The following UNC13B variants were observed in gnomAD, a reference collection of about 807,000 sequenced individuals.
The protein encoded by UNC13B is unc-13 homolog B.
In UNC13B, 144 loss-of-function variants were observed where a neutral mutation model predicts 211.0. That is an observed-to-expected ratio of 0.68 (90% CI 0.60 to 0.78). The LOEUF (loss-of-function observed/expected upper bound fraction) is 0.78. UNC13B is among the 30% of genes least tolerant of loss of function. The pLI, the probability that UNC13B is intolerant of heterozygous loss-of-function variation, is 0.00. For missense variants in UNC13B, 1,777 were observed against 2,002.0 expected (o/e 0.89, Z 2.14); for synonymous variants, 709 against 725.8 (o/e 0.98, Z 0.37).
Position 35,338,377 on chromosome 9 carries a change from G to A in UNC13B, c.9414+24388G>A, listed in dbSNP as rs114722502. 6.3e-3 allele frequency among the ~76,000 whole-genome samples: 964 copies of A among 152,172 alleles called. 13 individuals carry two copies. Among genetic ancestry groups the A allele is most frequent in the African/African-American group, 0.022 (922 of 41,488 alleles). On this transcript the variant is annotated intron_variant, in intron 11 of 39. Transcript: ENST00000635942. ...CTTGCAGCTTGTCGGGTCTGTTTAGGTAACAAAGCAGCTATGTCTTAGTGC... is the reference window on the plus strand; with the variant it reads ...CTTGCAGCTTGTCGGGTCTGTTTAGATAACAAAGCAGCTATGTCTTAGTGC...
chr9:35,303,480 A>G lies in UNC13B; in HGVS notation c.4076A>G (p.Asp1359Gly). The G allele has an allele frequency of 2.5e-6, 1 of 398,790 alleles. No individual in the cohort carries two copies. The highest frequency in any genetic ancestry group is 4.4e-6 in the Non-Finnish European group (1 of 225,862). The allele number at this position is 398,790 out of a possible 1,614,324, so 24.7% of individuals were successfully genotyped here. The change falls in exon 9 of 40, where the codon GAC becomes GGC. Residue 1359 changes from aspartate to glycine, a missense_variant. Physicochemically the swap from Asp to Gly is moderately conservative, Grantham distance 94. Coordinates refer to ENST00000635942, the MANE Select transcript of UNC13B (RefSeq NM_001371189.2). ...EMNSPFCFEW[D>G]SDIKDLSKNS... is the part of the protein sequence containing the mutation. ...AACAGTCCTTTCTGTTTTGAATGGGACTCTGACATAAAAGATTTGTCTAAA... is the reference window on the plus strand; with the variant it reads ...AACAGTCCTTTCTGTTTTGAATGGGGCTCTGACATAAAAGATTTGTCTAAA...
chr9:35,272,541 A>G (rs1287889556), intron 7 of UNC13B, among the ~76,000 whole-genome samples: 2 of 152,082 alleles, frequency 1.3e-5, no homozygotes, highest in African/African-American at 4.8e-5. Flanking sequence ...TACAGGCGTG[A>G]GCCACCACGC....
Position 35,307,330 on chromosome 9 carries a change from A to C in UNC13B, c.7926A>C (p.Ala2642=), listed in dbSNP as rs886181416. ...MGILQATDTE[A]SLEAENFALP... Reference sequence around the variant, plus strand: ...TATTGCAAGCTACAGACACGGAGGCATCGTTAGAAGCAGAGAACTTTGCGC... The same window carrying C: ...TATTGCAAGCTACAGACACGGAGGCCTCGTTAGAAGCAGAGAACTTTGCGC... The change falls in exon 9 of 40, where the codon GCA becomes GCC. Residue 2642 remains alanine (A), a synonymous_variant. Transcript: ENST00000635942. 2.5e-6 allele frequency: 1 copy of C among 399,040 alleles called. No individual in the cohort carries two copies. Among genetic ancestry groups the C allele is most frequent in the Non-Finnish European group, 4.4e-6 (1 of 226,084 alleles). 24.7% of individuals were successfully genotyped at this position (399,040 alleles called of 1,614,324 possible).
At chr9:35,336,333 C>T (rs1831654974) in intron 11 of UNC13B, among the ~76,000 whole-genome samples, 1 of 152,076 alleles carries the variant, frequency 6.6e-6, no homozygotes, top group South Asian at 2.1e-4. Context: ...TAAAATCTAA[C>T]ACTCCTCTCC....
chr9:35,234,858 G>T (rs993826376), intron 3 of UNC13B, among the ~76,000 whole-genome samples: 5 of 152,126 alleles, frequency 3.3e-5, no homozygotes, highest in African/African-American at 1.2e-4. Flanking sequence ...GTGAATCTGA[G>T]AACATTTATT....
At chr9:35,321,132 T>A (rs1010766152) in intron 11 of UNC13B, among the ~76,000 whole-genome samples, 1 of 152,244 alleles carries the variant, frequency 6.6e-6, no homozygotes, top group Non-Finnish European at 1.5e-5. Context: ...TTATTCTGGG[T>A]TATTAAATAT....
intron 1 of UNC13B, 43 bp downstream of exon 1, chr9:35,162,348 G>C (rs71521259): frequency 7.2e-6 from 11 of 1,518,720 alleles, no homozygotes; most frequent in Non-Finnish European, 7.9e-6. Flanking sequence ...TGTCGGCGTA[G>C]AGGTCCCCGC....
intron 15 of UNC13B, 25 bp from the exon 16 acceptor site, chr9:35,377,443 C>G: frequency 6.2e-7 from 1 of 1,612,696 alleles, no homozygotes. Context: ...GGTAGGTGAC[C>G]TGTTGTGTTC....
At chr9:35,227,945 C>G (rs1234259537) in intron 1 of UNC13B, 70 bp from the exon 2 acceptor site, 1 of 1,367,092 alleles carries the variant, frequency 7.3e-7, no homozygotes, top group Admixed American at 1.8e-5. Context: ...TATGTAGTGC[C>G]TAATAAATGT....
At chr9:35,374,918 A>G (rs1564176158) in intron 13 of UNC13B, among the ~76,000 whole-genome samples, 1 of 152,218 alleles carries the variant, frequency 6.6e-6, no homozygotes, top group African/African-American at 2.4e-5. Context: ...CTGTTCTAAC[A>G]TAGTTAGAGC....
intron 1 of UNC13B, among the ~76,000 whole-genome samples, chr9:35,165,604 A>AC (rs1322913117): frequency 6.6e-6 from 1 of 151,616 alleles, no homozygotes; most frequent in East Asian, 1.9e-4. Flanking sequence ...TTTTTAGTAG[A>AC]GACGGGGTTT....
At chr9:35,346,189 A>G (rs1198725614) in intron 11 of UNC13B, among the ~76,000 whole-genome samples, 1 of 152,148 alleles carries the variant, frequency 6.6e-6, no homozygotes, top group Non-Finnish European at 1.5e-5. Flanking sequence ...CATAATTGAT[A>G]TATGGCCCAG....
At chr9:35,334,531 G>A (rs1348176077) in intron 11 of UNC13B, among the ~76,000 whole-genome samples, 1 of 152,188 alleles carries the variant, frequency 6.6e-6, no homozygotes, top group Non-Finnish European at 1.5e-5. Flanking sequence ...CCTAGTGCAT[G>A]TAGGTAGAAA....
At chr9:35,389,762 A>T in intron 24 of UNC13B, 84 bp from the exon 25 acceptor site, 1 of 1,473,918 alleles carries the variant, frequency 6.8e-7, no homozygotes, top group South Asian at 1.2e-5. Flanking sequence ...TAGGAAGGGG[A>T]AGAGAAAGAG....
chr9:35,203,498 T>C (rs1366556306), intron 1 of UNC13B, among the ~76,000 whole-genome samples: 1 of 152,234 alleles, frequency 6.6e-6, no homozygotes, highest in East Asian at 1.9e-4. Flanking sequence ...CACTCTCTTC[T>C]GGCTTGTAGA....
chr9:35,370,284 C>A (rs1834031068), intron 12 of UNC13B, 34 bp from the exon 13 acceptor site: 8 of 1,602,514 alleles, frequency 5.0e-6, no homozygotes, highest in Non-Finnish European at 6.8e-6. Flanking sequence ...CAAAGCAAGA[C>A]TGACGGTCCT....
At chr9:35,219,462 A>G (rs1824449808) in intron 1 of UNC13B, among the ~76,000 whole-genome samples, 1 of 152,072 alleles carries the variant, frequency 6.6e-6, no homozygotes, top group Non-Finnish European at 1.5e-5. Context: ...ATTAAGTAGT[A>G]GTAAATTAGC....
chr9:35,390,351 G>A (rs769507533), intron 25 of UNC13B, among the ~76,000 whole-genome samples: 7 of 152,202 alleles, frequency 4.6e-5, no homozygotes, highest in Non-Finnish European at 7.3e-5. Context: ...CTGCTTTCCA[G>A]CCTCTGCCTG....
At chr9:35,366,644 G>C (rs752572439) in intron 11 of UNC13B, among the ~76,000 whole-genome samples, 3 of 152,168 alleles carry the variant, frequency 2.0e-5, no homozygotes. Context: ...GTTTACTGCT[G>C]TCTACACTAA....
Sources: gnomAD v4.1 joint callset for allele counts (sites outside exome capture counted in the v4.1 genomes callset) on GRCh38, gnomAD v4.1.1 for gene constraint, MANE v1.5 for transcripts, NCBI Gene and HGNC (gene_info 2026-07-23, HGNC 2026-07-21) for gene names.